The following ZBTB20 variants were observed in gnomAD, a reference collection of about 807,000 sequenced individuals.
ZBTB20 encodes zinc finger and BTB domain containing 20.
In ZBTB20, 9 loss-of-function variants were observed where a neutral mutation model predicts 56.9. The ratio of observed to expected loss-of-function variants is 0.16; its 90% CI spans 0.10 to 0.28. The LOEUF (loss-of-function observed/expected upper bound fraction) is 0.28, where lower values mean the gene tolerates loss of function less well. ZBTB20 is among the 10% of genes least tolerant of loss of function. The probability of loss-of-function intolerance (pLI) is 1.00; values close to 1 mark genes in which losing one functional copy is unlikely to be tolerated. For missense variants in ZBTB20, 655 were observed against 1,003.0 expected (o/e 0.65, Z 4.69); for synonymous variants, 417 against 420.7 (o/e 0.99, Z 0.11).
rs569107684 is a variant in ZBTB20 at position 114,861,994 on chromosome 3, G to C, written c.-417+38310C>G. On this transcript the variant is annotated intron_variant, in intron 4 of 11. Coordinates refer to ENST00000675478, the MANE Select transcript of ZBTB20 (RefSeq NM_001348800.3). ...AATTTTATATCACATAATAACAAAGGGACATGATTCTTATTTGTTTTTCCT... is the reference window on the plus strand; with the variant it reads ...AATTTTATATCACATAATAACAAAGCGACATGATTCTTATTTGTTTTTCCT... 4.6e-5 allele frequency among the ~76,000 whole-genome samples: 7 copies of C among 152,110 alleles called. No individual in the cohort carries two copies. The South Asian group carries it at 1.0e-3, about 23-fold the overall frequency.
intron 2 of ZBTB20, among the ~76,000 whole-genome samples, chr3:115,070,650 A>G (rs902091396): frequency 6.6e-6 from 1 of 152,096 alleles, no homozygotes; most frequent in Non-Finnish European, 1.5e-5. Flanking sequence ...AAAATTCTAC[A>G]CTAGAAAAGT....
At chr3:115,059,811 G>A (rs1355273317) in intron 2 of ZBTB20, among the ~76,000 whole-genome samples, 2 of 152,070 alleles carry the variant, frequency 1.3e-5, no homozygotes, top group African/African-American at 4.8e-5. Context: ...CTATGCAACA[G>A]AAGAAGATAT....
intron 6 of ZBTB20, among the ~76,000 whole-genome samples, chr3:114,548,824 C>T (rs2050218379): frequency 6.6e-6 from 1 of 152,138 alleles, no homozygotes; most frequent in South Asian, 2.1e-4. Flanking sequence ...TGGCCTATGA[C>T]TGGACTGTTT....
intron 6 of ZBTB20, among the ~76,000 whole-genome samples, chr3:114,562,138 G>C (rs2052144038): frequency 6.6e-6 from 1 of 151,672 alleles, no homozygotes; most frequent in Non-Finnish European, 1.5e-5. Context: ...CCTTGCTCTG[G>C]ATTAGGCTTT....
intron 7 of ZBTB20, among the ~76,000 whole-genome samples, chr3:114,478,424 T>C (rs1559845838): frequency 6.6e-6 from 1 of 152,252 alleles, no homozygotes; most frequent in East Asian, 1.9e-4. Flanking sequence ...AATTTTATTC[T>C]AGCAAACAAT....
chr3:114,748,777 T>C (rs1026492299), intron 5 of ZBTB20, among the ~76,000 whole-genome samples: 3 of 152,160 alleles, frequency 2.0e-5, no homozygotes, highest in Non-Finnish European at 4.4e-5. Flanking sequence ...TGTGCTATTT[T>C]TGGGGTATAC....
intron 6 of ZBTB20, among the ~76,000 whole-genome samples, chr3:114,642,034 C>T (rs1003623991): frequency 6.6e-6 from 1 of 151,862 alleles, no homozygotes; most frequent in Non-Finnish European, 1.5e-5. Flanking sequence ...TCTGTAGTAC[C>T]TAGTTTGAGG....
chr3:115,065,784 G>A (rs2082186189), intron 2 of ZBTB20, among the ~76,000 whole-genome samples: 1 of 152,108 alleles, frequency 6.6e-6, no homozygotes, highest in African/African-American at 2.4e-5. Context: ...TTTGTGCAAG[G>A]TTATTTAAAT....
At chr3:114,346,056 C>T (rs1034636168) in intron 11 of ZBTB20, among the ~76,000 whole-genome samples, 1 of 152,154 alleles carries the variant, frequency 6.6e-6, no homozygotes, top group Non-Finnish European at 1.5e-5. Flanking sequence ...ATGAAAGAAA[C>T]TCCTAGAGAT....
At chr3:114,825,190 A>C (rs1471284481) in intron 4 of ZBTB20, among the ~76,000 whole-genome samples, 1 of 151,888 alleles carries the variant, frequency 6.6e-6, no homozygotes, top group African/African-American at 2.4e-5. Flanking sequence ...GACTTGCTTG[A>C]TTTTAGAATT....
chr3:114,820,568 GA>G (rs550983283), intron 4 of ZBTB20, among the ~76,000 whole-genome samples: 10 of 151,400 alleles, frequency 6.6e-5, no homozygotes, highest in East Asian at 1.9e-4. Flanking sequence ...TTTTAATCTG[GA>G]AAAAAAAGTT....
intron 2 of ZBTB20, among the ~76,000 whole-genome samples, chr3:114,988,091 C>CTTTTTTT (rs543706041): frequency 3.4e-5 from 4 of 118,814 alleles, no homozygotes; most frequent in Non-Finnish European, 5.6e-5. Flanking sequence ...TATCCAGTTT[C>CTTTTTTT]TTTTTTTTTT....
At chr3:114,638,097 T>C (rs768298129) in intron 6 of ZBTB20, among the ~76,000 whole-genome samples, 37 of 152,120 alleles carry the variant, frequency 2.4e-4, no homozygotes, top group Non-Finnish European at 2.2e-4. Flanking sequence ...GTGTATTCTC[T>C]AATTTGCTTG....
chr3:114,693,595 G>A lies in ZBTB20; in HGVS notation c.-342-20C>T, dbSNP rs1029373049. On this transcript the variant is annotated intron_variant, in intron 5 of 11. Coordinates refer to ENST00000675478, the MANE Select transcript of ZBTB20 (RefSeq NM_001348800.3). ...AACATTCTGAAATAAAAAGAGTACAGGTAAGTGCTAGGTATTTATTTTAAT... is the reference window on the plus strand; with the variant it reads ...AACATTCTGAAATAAAAAGAGTACAAGTAAGTGCTAGGTATTTATTTTAAT... 1 of 152,058 alleles carries A rather than the reference G, an allele frequency of 6.6e-6. No individual in the cohort carries two copies. The highest frequency in any genetic ancestry group is 2.4e-5 in the African/African-American group (1 of 41,426). The allele number at this position is 152,058 out of a possible 1,614,324, so 9.4% of individuals were successfully genotyped here.
intron 2 of ZBTB20, among the ~76,000 whole-genome samples, chr3:115,032,412 A>C (rs1560509610): frequency 6.6e-6 from 1 of 151,526 alleles, no homozygotes. Context: ...TACATTACAC[A>C]GTCACTACAA....
At chr3:114,493,650 T>C (rs1205157829) in intron 7 of ZBTB20, among the ~76,000 whole-genome samples, 1 of 152,230 alleles carries the variant, frequency 6.6e-6, no homozygotes, top group Admixed American at 6.5e-5. Flanking sequence ...CCTTACTTTT[T>C]GTTTTTAACC....
At chr3:114,873,584 T>A (rs948711281) in intron 4 of ZBTB20, among the ~76,000 whole-genome samples, 13 of 152,086 alleles carry the variant, frequency 8.5e-5, no homozygotes, top group African/African-American at 3.1e-4. Flanking sequence ...GGCAGAATCA[T>A]TAAGGAATTA....
At chr3:114,378,941 C>G (rs1233434856) in intron 10 of ZBTB20, 2 of 152,240 alleles carry the variant, frequency 1.3e-5, no homozygotes, top group African/African-American at 2.4e-5. Flanking sequence ...AGAGATTTGT[C>G]TCACGTTACT....
chr3:114,844,550 A>AAAAC (rs1560313393), intron 4 of ZBTB20, among the ~76,000 whole-genome samples: 1 of 141,576 alleles, frequency 7.1e-6, no homozygotes, highest in African/African-American at 2.7e-5. Context: ...AAAAAAAAAA[A>AAAAC]AACTTTCATT....
Sources: gnomAD v4.1 joint callset for allele counts (sites outside exome capture counted in the v4.1 genomes callset) on GRCh38, gnomAD v4.1.1 for gene constraint, MANE v1.5 for transcripts, NCBI Gene and HGNC (gene_info 2026-07-23, HGNC 2026-07-21) for gene names.